The following TOB1 variants were observed in gnomAD, a reference collection of about 807,000 sequenced individuals.
TOB1 encodes transducer of ERBB2, 1.
TOB1 carries 2 observed loss-of-function variants against 22.9 expected under a neutral mutation model. That is an observed-to-expected ratio of 0.09 (90% CI 0.04 to 0.28). The LOEUF is 0.28. Among genes scored for constraint, TOB1 ranks in the 10% least tolerant of loss-of-function variants. The probability of loss-of-function intolerance (pLI) is 1.00; values close to 1 mark genes in which losing one functional copy is unlikely to be tolerated. For missense variants in TOB1, 299 were observed against 420.5 expected, an observed-to-expected ratio of 0.71 and a Z score of 2.53; for synonymous variants, 154 against 150.6, an observed-to-expected ratio of 1.02 and a Z score of -0.17.
upstream of TOB1, chr17:50,867,758 G>A (rs1337193985): frequency 6.6e-6 from 1 of 152,290 alleles, no homozygotes; most frequent in East Asian, 1.9e-4. Flanking sequence ...CCAAACGTTG[G>A]GGCCTGCACT....
chr17:50,865,234 G>C (rs1972278396), intron 1 of TOB1, among the ~76,000 whole-genome samples: 2 of 152,204 alleles, frequency 1.3e-5, no homozygotes, highest in South Asian at 4.1e-4. Context: ...AAGGGAAAAA[G>C]AATCTCTGGC....
upstream of TOB1, chr17:50,867,790 T>C (rs1972337662): frequency 6.6e-6 from 1 of 152,212 alleles, no homozygotes; most frequent in South Asian, 2.1e-4. Flanking sequence ...ATAAGGAAGT[T>C]AAACCGCAGC....
At chr17:50,864,306 T>A in intron 1 of TOB1, 143 bp from the exon 2 acceptor site, 1 of 311,396 alleles carries the variant, frequency 3.2e-6, no homozygotes, top group Non-Finnish European at 5.3e-6. Flanking sequence ...AGAAAATGTC[T>A]ACTAGGACAG....
Position 50,866,326 on chromosome 17 carries a change from A to T in TOB1, c.-415T>A, listed in dbSNP as rs938104980. 2 of 152,200 alleles carry T rather than the reference A, an allele frequency of 1.3e-5. No individual in the cohort carries two copies. The highest frequency in any genetic ancestry group is 1.5e-5 in the Non-Finnish European group (1 of 68,102). The allele number at this position is 152,200 out of a possible 1,614,324, so 9.4% of individuals were successfully genotyped here. A position where few individuals can be genotyped will look rare whatever the true frequency, so the allele number is the denominator to read the frequency against. ...CCAGCGTCCCCGTAGTGCGCCCGCT[A>T]CACGCCGGGCCAGAGCTTCGCTCCT... On this transcript the variant is annotated 5_prime_UTR_variant, in exon 1 of 2. Transcript: ENST00000499247.
chr17:50,864,079 G>C lies in TOB1; in HGVS notation c.-62C>G. On this transcript the variant is annotated 5_prime_UTR_variant, in exon 2 of 2. It adds an upstream start codon to the 5' untranslated region. Transcript: ENST00000499247. ...ACCAAAAAAAAAAAAAAAAAAAAAA[G>C]ATGTTCAGTTTGTGGCAGAGAAACA... 2 of 664,820 alleles carry C rather than the reference G, an allele frequency of 3.0e-6. No individual in the cohort carries two copies. The highest frequency in any genetic ancestry group is 3.7e-5 in the African/African-American group (1 of 27,094). 41.2% of individuals were successfully genotyped at this position (664,820 alleles called of 1,614,324 possible). A position where few individuals can be genotyped will look rare whatever the true frequency, so the allele number is the denominator to read the frequency against.
At position 50,863,085 on chromosome 17, in the gene TOB1, T is replaced by G. The variant is rs759842406; in HGVS notation, c.933A>C (p.Ala311=). 38 of 1,614,086 alleles carry G rather than the reference T, an allele frequency of 2.4e-5. No individual in the cohort carries two copies. The South Asian group carries it at 4.1e-4, about 17-fold the overall frequency. The part of the protein sequence containing the change: ...LQYSNAFDVF[A]AYGGLNEKSF... Reference sequence around the variant, plus strand: ...ATTTCTCATTGAGGCCTCCATAGGCTGCAAACACATCAAAGGCATTACTGT... The same window carrying G: ...ATTTCTCATTGAGGCCTCCATAGGCGGCAAACACATCAAAGGCATTACTGT... Residue 311 remains alanine (A), a synonymous_variant, in exon 2 of 2, where the codon GCA becomes GCC. Coordinates refer to ENST00000499247, the MANE Select transcript of TOB1 (RefSeq NM_005749.4).
At position 50,862,830 on chromosome 17, in the gene TOB1, G is replaced by GA. The variant is rs1972233078; in HGVS notation, c.*149dup. 3.5e-6 allele frequency: 4 copies of GA among 1,156,430 alleles called. No homozygotes were observed. The South Asian group carries it at 5.9e-5, about 17-fold the overall frequency. 71.6% of individuals were successfully genotyped at this position (1,156,430 alleles called of 1,614,324 possible). ...ATAACTTTGTGCTTGGTTGGCAAAT[G>GA]AAAAATGATGCATGTTTTATTATTA... is the stretch of plus-strand genomic sequence containing the variant. On this transcript the variant is annotated 3_prime_UTR_variant, in exon 2 of 2. Coordinates refer to ENST00000499247, the MANE Select transcript of TOB1 (RefSeq NM_005749.4).
chr17:50,865,603 C>T (rs1300059400), intron 1 of TOB1, among the ~76,000 whole-genome samples: 1 of 152,014 alleles, frequency 6.6e-6, no homozygotes, highest in African/African-American at 2.4e-5. Flanking sequence ...CAGGTCGGGG[C>T]GCCGGGTCAG....
rs1260932981 is a variant in TOB1, at chr17:50,862,314, C to T, written c.*666G>A. 6.6e-6 allele frequency: 1 copy of T among 152,226 alleles called. No individual in the cohort carries two copies. Among genetic ancestry groups the T allele is most frequent in the Non-Finnish European group, 1.5e-5 (1 of 67,964 alleles). 9.4% of individuals were successfully genotyped at this position (152,226 alleles called of 1,614,324 possible). On this transcript the variant is annotated 3_prime_UTR_variant, in exon 2 of 2. Transcript: ENST00000499247. ...GACACTGACTCAAAATACTTTTATA[C>T]CGTTTTTTTCAAGTATTGCACAATA... is the stretch of plus-strand genomic sequence containing the variant.
Position 50,866,349 on chromosome 17 carries a change from C to T in TOB1, c.-438G>A, listed in dbSNP as rs1000010245. 5 of 152,392 alleles carry T rather than the reference C, an allele frequency of 3.3e-5. No homozygotes were observed. The highest frequency in any genetic ancestry group is 4.1e-4 in the South Asian group (2 of 4,828). 9.4% of individuals were successfully genotyped at this position (152,392 alleles called of 1,614,324 possible). A position where few individuals can be genotyped will look rare whatever the true frequency, so the allele number is the denominator to read the frequency against. On this transcript the variant is annotated 5_prime_UTR_variant, in exon 1 of 2. Coordinates refer to ENST00000499247, the MANE Select transcript of TOB1 (RefSeq NM_005749.4). ...CTACACGCCGGGCCAGAGCTTCGCT[C>T]CTTCTGCCGCGGCGCGCGCCCCGCC...
rs1457199419 is a variant in TOB1 at position 50,863,746 on chromosome 17, C to T, written c.272G>A (p.Ser91Asn). ...DVRGNLPQDL[S>N]VWIDPFEVSY... ...AACCTCAAATGGGTCGATCCAAACA[C>T]TAAGATCCTGTGGCAGATTGCCACG... Residue 91 changes from serine (S) to asparagine (N), a missense_variant, in exon 2 of 2, where the codon AGT (serine) becomes AAT (asparagine). By Grantham distance (46) the Ser-to-Asn change is conservative. Transcript: ENST00000499247. 6.2e-7 allele frequency: 1 copy of T among 1,614,194 alleles called. No homozygotes were observed. The highest frequency in any genetic ancestry group is 8.5e-7 in the Non-Finnish European group (1 of 1,180,040).
rs1386431803 is a variant in TOB1 at position 50,862,731 on chromosome 17, T to C, written c.*249A>G. On this transcript the variant is annotated 3_prime_UTR_variant, in exon 2 of 2. Transcript: ENST00000499247. ...AATTTTTATAAAAAAAAATCAGCCA[T>C]GTCCTTGCTATATCTTAAATACTGT... is the stretch of plus-strand genomic sequence containing the variant. The C allele has an allele frequency of 1.0e-5, 4 of 400,080 alleles. No individual in the cohort carries two copies. The highest frequency in any genetic ancestry group is 1.7e-5 in the Non-Finnish European group (4 of 239,738). 24.8% of individuals were successfully genotyped at this position (400,080 alleles called of 1,614,324 possible).
At chr17:50,864,282 G>T in intron 1 of TOB1, 119 bp from the exon 2 acceptor site, 1 of 430,594 alleles carries the variant, frequency 2.3e-6, no homozygotes, top group Non-Finnish European at 3.5e-6. Context: ...AGTCTGCTAA[G>T]GATAAAAAGA....
Position 50,862,643 on chromosome 17 carries a change from CAA to C in TOB1, c.*335_*336del, listed in dbSNP as rs1972230744. ...TATATATATATCCTCTGATATTTTACAAACTTTGTACTAAATTAAATTATACA... is the reference window on the plus strand; with the variant it reads ...TATATATATATCCTCTGATATTTTACACTTTGTACTAAATTAAATTATACA... On this transcript the variant is annotated 3_prime_UTR_variant, in exon 2 of 2. Coordinates refer to ENST00000499247, the MANE Select transcript of TOB1 (RefSeq NM_005749.4). 8 of 190,294 alleles carry C rather than the reference CAA, an allele frequency of 4.2e-5. No individual in the cohort carries two copies. In the Admixed American group the frequency reaches 4.7e-4, roughly 11 times the overall value. 11.8% of individuals were successfully genotyped at this position (190,294 alleles called of 1,614,324 possible).
upstream of TOB1, chr17:50,866,879 C>T (rs35220381): frequency 0.3 from 44,983 of 152,156 alleles, 7,485 homozygotes; most frequent in Non-Finnish European, 0.38. Context: ...GGATCCTGCT[C>T]GTGGAATAGC....
At chr17:50,865,145 C>A (rs904869721) in intron 1 of TOB1, among the ~76,000 whole-genome samples, 5 of 152,190 alleles carry the variant, frequency 3.3e-5, no homozygotes, top group Non-Finnish European at 7.3e-5. Flanking sequence ...TATTTGCACA[C>A]TGAAGTTGAT....
rs1468719728 is a variant in TOB1, at chr17:50,863,584, G to A, written c.434C>T (p.Pro145Leu). The change falls in exon 2 of 2, where the codon CCA becomes CTA. Residue 145 changes from proline (P) to leucine (L), a missense_variant. Coordinates refer to ENST00000499247, the MANE Select transcript of TOB1 (RefSeq NM_005749.4). The stretch of plus-strand genomic sequence containing the variant: ...TGGAGAGCTGGACACTGATGAGGCT[G>A]GGTCACTTATGGGCATAAAAACCTG... ...EAQVFMPISD[P>L]ASSVSSSPSP... The A allele has an allele frequency of 1.9e-6, 3 of 1,614,010 alleles. No homozygotes were observed. The highest frequency in any genetic ancestry group is 2.5e-6 in the Non-Finnish European group (3 of 1,180,044).
rs1475387140 is a variant in TOB1, at chr17:50,862,280, A to G, written c.*700T>C. On this transcript the variant is annotated 3_prime_UTR_variant, in exon 2 of 2. Transcript: ENST00000499247. ...AATATAAACTATTTCAGTCCCTCTT[A>G]ACATGTAAGACACTGACTCAAAATA... The G allele has an allele frequency of 6.6e-6, 1 of 152,582 alleles. No homozygotes were observed. Among genetic ancestry groups the G allele is most frequent in the Non-Finnish European group, 1.5e-5 (1 of 68,038 alleles). The allele number at this position is 152,582 out of a possible 1,614,324, so 9.5% of individuals were successfully genotyped here. A position where few individuals can be genotyped will look rare whatever the true frequency, so the allele number is the denominator to read the frequency against.
chr17:50,864,152 G>A lies in TOB1; in HGVS notation c.-135C>T. Reference sequence around the variant, plus strand: ...ATTAGTAGATTATCCTTCACCTTGAGTGATCTTGTTCCTTAAAACAAAAGC... The same window carrying A: ...ATTAGTAGATTATCCTTCACCTTGAATGATCTTGTTCCTTAAAACAAAAGC... On this transcript the variant is annotated 5_prime_UTR_variant, in exon 2 of 2. Transcript: ENST00000499247. 1 of 1,392,310 alleles carries A rather than the reference G, an allele frequency of 7.2e-7. No homozygotes were observed. Among genetic ancestry groups the A allele is most frequent in the Non-Finnish European group, 9.3e-7 (1 of 1,078,468 alleles). 86.2% of individuals were successfully genotyped at this position (1,392,310 alleles called of 1,614,324 possible).
Sources: allele counts gnomAD v4.1 joint callset (sites outside exome capture counted in the v4.1 genomes callset), GRCh38; gene constraint gnomAD v4.1.1; transcripts MANE v1.5; gene names NCBI Gene and HGNC (gene_info 2026-07-23, HGNC 2026-07-21).